Variants in CFAP300 observed in about 807,000 individuals in gnomAD.
The protein encoded by CFAP300 is cilia and flagella associated protein 300, also known as cilia- and flagella-associated protein 300.
In CFAP300, 32 loss-of-function variants were observed where a neutral mutation model predicts 33.0. The ratio of observed to expected loss-of-function variants is 0.97; its 90% confidence interval spans 0.73 to 1.30. The LOEUF is 1.30. CFAP300 is among the 50% of genes most tolerant of loss of function. The probability of loss-of-function intolerance (pLI) is 0.00; values close to 1 mark genes in which losing one functional copy is unlikely to be tolerated. For missense variants in CFAP300, 356 were observed against 318.1 expected (o/e 1.12, Z -0.90); for synonymous variants, 102 against 106.8 (o/e 0.95, Z 0.28).
chr11:102,072,170 A>C (rs1331750527), intron 4 of CFAP300, among the ~76,000 whole-genome samples: 3 of 150,448 alleles, frequency 2.0e-5, no homozygotes, highest in African/African-American at 7.3e-5. Context: ...GGCTTTGTTC[A>C]TTCTTTTTCT....
At chr11:102,054,493 G>C (rs1942019306) in intron 2 of CFAP300, among the ~76,000 whole-genome samples, 1 of 152,086 alleles carries the variant, frequency 6.6e-6, no homozygotes, top group Admixed American at 6.6e-5. Context: ...AACACTTTGG[G>C]AGCCTGAGAT....
In CFAP300 at chr11:102,076,069, G is replaced by A. The variant is rs773698817; in HGVS notation, c.608+24G>A. The A allele has an allele frequency of 2.5e-6, 4 of 1,584,960 alleles. No homozygotes were observed. In the African/African-American group the frequency reaches 4.1e-5, roughly 16 times the overall value. On this transcript the variant is annotated intron_variant, in intron 5 of 6. Transcript: ENST00000434758. ...AGGTAATGTTGCTAGATCACAATAT[G>A]TAAATCTCTAGTTAATAGAATAAAT... is the stretch of plus-strand genomic sequence containing the variant.
At chr11:102,053,277 C>T (rs1941998439) in intron 2 of CFAP300, among the ~76,000 whole-genome samples, 1 of 151,688 alleles carries the variant, frequency 6.6e-6, no homozygotes, top group Non-Finnish European at 1.5e-5. Context: ...AGGCTGGGCA[C>T]AGTGGCTCTC....
chr11:102,077,900 AT>A (rs200306757), intron 5 of CFAP300, among the ~76,000 whole-genome samples: 2 of 150,310 alleles, frequency 1.3e-5, no homozygotes, highest in South Asian at 2.1e-4. Flanking sequence ...TTATCTTTTT[AT>A]TTTTTTTGAG....
intron 5 of CFAP300, among the ~76,000 whole-genome samples, chr11:102,077,289 C>T (rs1054445803): frequency 2.0e-5 from 3 of 152,194 alleles, no homozygotes; most frequent in Non-Finnish European, 4.4e-5. Context: ...TCCCAACATT[C>T]CCTTCTCCAG....
At chr11:102,073,674 G>A (rs1479537172) in intron 4 of CFAP300, among the ~76,000 whole-genome samples, 3 of 152,076 alleles carry the variant, frequency 2.0e-5, no homozygotes, top group African/African-American at 7.2e-5. Flanking sequence ...AGTGGCTGCA[G>A]CCACTGGCAG....
At chr11:102,064,348 T>G (rs1379161415) in intron 3 of CFAP300, among the ~76,000 whole-genome samples, 1 of 152,200 alleles carries the variant, frequency 6.6e-6, no homozygotes, top group East Asian at 1.9e-4. Flanking sequence ...GGTCTTGTTT[T>G]TTTGGACTTT....
intron 2 of CFAP300, among the ~76,000 whole-genome samples, chr11:102,054,728 CAAA>C (rs542071172): frequency 7.0e-5 from 5 of 70,928 alleles, no homozygotes; most frequent in Admixed American, 5.5e-4. Flanking sequence ...GACTTGGTCT[CAAA>C]AAAAAAAAAA....
At chr11:102,077,017 A>T (rs1942405135) in intron 5 of CFAP300, among the ~76,000 whole-genome samples, 1 of 152,134 alleles carries the variant, frequency 6.6e-6, no homozygotes, top group Non-Finnish European at 1.5e-5. Context: ...TAATTATTTG[A>T]AGTTCATGTA....
At chr11:102,062,437 G>A (rs1212016004) in intron 3 of CFAP300, among the ~76,000 whole-genome samples, 1 of 152,202 alleles carries the variant, frequency 6.6e-6, no homozygotes, top group African/African-American at 2.4e-5. Flanking sequence ...GGCAATTCTG[G>A]TGATAGCGCC....
intron 4 of CFAP300, among the ~76,000 whole-genome samples, chr11:102,067,613 G>C (rs1416439573): frequency 2.6e-5 from 4 of 152,142 alleles, no homozygotes; most frequent in African/African-American, 9.7e-5. Flanking sequence ...AGATGAAAGT[G>C]CCCATTCTAC....
chr11:102,052,827 C>T (rs1010324537), intron 2 of CFAP300, among the ~76,000 whole-genome samples: 2 of 152,198 alleles, frequency 1.3e-5, no homozygotes, highest in Non-Finnish European at 2.9e-5. Context: ...CAGTAGCCTT[C>T]CTCCTAGCTA....
chr11:102,065,492 C>A, intron 3 of CFAP300, among the ~76,000 whole-genome samples: 1 of 152,062 alleles, frequency 6.6e-6, no homozygotes, highest in South Asian at 2.1e-4. Flanking sequence ...TGTGGCCAGG[C>A]GCGGTTGCTC....
intron 3 of CFAP300, among the ~76,000 whole-genome samples, chr11:102,061,047 G>A (rs1240681552): frequency 6.6e-6 from 1 of 152,102 alleles, no homozygotes; most frequent in Admixed American, 6.5e-5. Flanking sequence ...ACTGAAATAA[G>A]TGCTCAACCC....
At chr11:102,059,867 G>A (rs933553096) in intron 3 of CFAP300, among the ~76,000 whole-genome samples, 28 of 150,528 alleles carry the variant, frequency 1.9e-4, no homozygotes, top group Admixed American at 5.3e-4. Flanking sequence ...CTGGAGTGCA[G>A]TGGTGCCTCC....
chr11:102,077,643 C>T lies in CFAP300; in HGVS notation c.608+1598C>T, dbSNP rs1015611659. On this transcript the variant is annotated intron_variant, in intron 5 of 6. Coordinates refer to ENST00000434758, the MANE Select transcript of CFAP300 (RefSeq NM_032930.3). ...AGGCTGGAGTGCAGTGGCGCGATCT[C>T]AGCTCACTGCAACCTCCACCTCCTG... Among the ~76,000 whole-genome samples the T allele has an allele frequency of 3.3e-5, 5 of 152,220 alleles. No homozygotes were observed. The East Asian group carries it at 5.8e-4, about 18-fold the overall frequency.
rs889289490 is a variant in CFAP300, at chr11:102,059,590, C to T, written c.268+635C>T. On this transcript the variant is annotated intron_variant, in intron 3 of 6. Transcript: ENST00000434758. Reference sequence around the variant, plus strand: ...TTGGACCTGGGAGGTGGAGGGTTGCCGTGAGCTGAGATTGTGTCACTGCCC... The same window carrying T: ...TTGGACCTGGGAGGTGGAGGGTTGCTGTGAGCTGAGATTGTGTCACTGCCC... 2.6e-5 allele frequency among the ~76,000 whole-genome samples: 4 copies of T among 151,754 alleles called. No individual in the cohort carries two copies. In the South Asian group the frequency reaches 6.3e-4, roughly 24 times the overall value.
chr11:102,062,857 G>A lies in CFAP300; in HGVS notation c.269-3628G>A, dbSNP rs1040205996. Among the ~76,000 whole-genome samples, 10 of 152,180 alleles carry A rather than the reference G, an allele frequency of 6.6e-5. No individual in the cohort carries two copies. The East Asian group carries it at 1.3e-3, about 20-fold the overall frequency. On this transcript the variant is annotated intron_variant, in intron 3 of 6. Transcript: ENST00000434758. ...TCAACAGAAGTCAGGAATAGAGATG[G>A]AATTATATCAGCAGCAAAGACTCTG...
intron 4 of CFAP300, among the ~76,000 whole-genome samples, chr11:102,071,244 T>C (rs1259983647): frequency 3.9e-5 from 6 of 152,202 alleles, no homozygotes; most frequent in Non-Finnish European, 8.8e-5. Flanking sequence ...TTTAGAATAG[T>C]ATATCCTCTG....
Sources: gnomAD v4.1 joint callset for allele counts (sites outside exome capture counted in the v4.1 genomes callset) on GRCh38, gnomAD v4.1.1 for gene constraint, MANE v1.5 for transcripts, NCBI Gene and HGNC (gene_info 2026-07-23, HGNC 2026-07-21) for gene names.